SYT9: variants seen among roughly 807,000 people sequenced by gnomAD.
SYT9 encodes the protein synaptotagmin 9, also known as synaptotagmin-9.
A neutral mutation model predicts 48.4 loss-of-function variants in SYT9; 22 were observed. The observed-to-expected ratio is 0.45, with a 90% CI of 0.32 to 0.65. The LOEUF (loss-of-function observed/expected upper bound fraction) is 0.65, where lower values mean the gene tolerates loss of function less well. Ranked by LOEUF, SYT9 falls within the 30% of genes least tolerant of loss-of-function variation. SYT9 has a pLI of 0.03. For synonymous variants in SYT9, 265 were observed against 245.0 expected (o/e 1.08, Z -0.76); for missense variants, 577 against 622.0 (o/e 0.93, Z 0.77).
intron 3 of SYT9, among the ~76,000 whole-genome samples, chr11:7,322,094 G>C (rs556657843): frequency 1.3e-5 from 2 of 152,268 alleles, no homozygotes; most frequent in Non-Finnish European, 2.9e-5. Context: ...TGTGGGGCAG[G>C]GATGGGGGAA....
intron 6 of SYT9, among the ~76,000 whole-genome samples, chr11:7,429,273 G>A (rs1018452268): frequency 6.6e-6 from 1 of 152,190 alleles, no homozygotes; most frequent in African/African-American, 2.4e-5. Context: ...CACTGCATAC[G>A]CTGATTCAGT....
chr11:7,282,874 T>A (rs1848525289), intron 1 of SYT9, among the ~76,000 whole-genome samples: 1 of 151,522 alleles, frequency 6.6e-6, no homozygotes, highest in African/African-American at 2.4e-5. Flanking sequence ...TAATTTTTAA[T>A]AATAATTATC....
intron 3 of SYT9, among the ~76,000 whole-genome samples, chr11:7,370,597 T>G (rs914821551): frequency 5.3e-5 from 8 of 152,196 alleles, no homozygotes; most frequent in Admixed American, 4.6e-4. Context: ...ATATAAATTA[T>G]GTCTCAACAA....
At chr11:7,328,400 C>T (rs1849472984) in intron 3 of SYT9, among the ~76,000 whole-genome samples, 1 of 152,044 alleles carries the variant, frequency 6.6e-6, no homozygotes, top group African/African-American at 2.4e-5. Context: ...CTTCTACCAA[C>T]TTATAAGATA....
At chr11:7,254,291 TG>T (rs1847926107) in intron 1 of SYT9, among the ~76,000 whole-genome samples, 1 of 152,150 alleles carries the variant, frequency 6.6e-6, no homozygotes, top group South Asian at 2.1e-4. Context: ...TGGTTTTTGT[TG>T]GAAAGTAGCC....
intron 1 of SYT9, among the ~76,000 whole-genome samples, chr11:7,284,601 A>AATC: frequency 6.6e-6 from 1 of 150,634 alleles, no homozygotes; most frequent in East Asian, 1.9e-4. Context: ...CTGCTTCTAG[A>AATC]TCTCTTTATA....
chr11:7,328,962 C>G (rs1849483380), intron 3 of SYT9, among the ~76,000 whole-genome samples: 1 of 152,174 alleles, frequency 6.6e-6, no homozygotes, highest in Non-Finnish European at 1.5e-5. Flanking sequence ...GTGTAACACT[C>G]TTTTCTCTGT....
chr11:7,416,619 A>T (rs1847256463), intron 4 of SYT9, among the ~76,000 whole-genome samples: 1 of 152,276 alleles, frequency 6.6e-6, no homozygotes, highest in South Asian at 2.1e-4. Context: ...CACAGCATTT[A>T]TGCCTGATTA....
At chr11:7,352,639 A>G (rs1181405137) in intron 3 of SYT9, among the ~76,000 whole-genome samples, 1 of 152,242 alleles carries the variant, frequency 6.6e-6, no homozygotes, top group African/African-American at 2.4e-5. Flanking sequence ...ATTTATGCCT[A>G]GCCCCGTGAA....
chr11:7,384,088 A>G (rs898826388), intron 3 of SYT9, among the ~76,000 whole-genome samples: 18 of 129,494 alleles, frequency 1.4e-4, no homozygotes, highest in Non-Finnish European at 2.8e-4. Context: ...ACACACACAC[A>G]CACACCCTCA....
intron 3 of SYT9, among the ~76,000 whole-genome samples, chr11:7,328,453 A>G (rs1048051461): frequency 6.6e-6 from 1 of 152,194 alleles, no homozygotes; most frequent in African/African-American, 2.4e-5. Context: ...TAGAAATTAC[A>G]ATATGCGTTG....
chr11:7,466,820 T>C lies in SYT9; in HGVS notation c.*20T>C, dbSNP rs201342081. The C allele has an allele frequency of 5.1e-5, 83 of 1,612,418 alleles. No individual in the cohort carries two copies. The African/African-American group carries it at 1.0e-3, about 20-fold the overall frequency. On this transcript the variant is annotated 3_prime_UTR_variant, in exon 7 of 7. Transcript: ENST00000318881. ...CGATGACCATGGGTAAGAGGACTGC[T>C]TGTGCCAAGGACAAAATAGGACAAC...
chr11:7,433,188 TA>T (rs1419057832), intron 6 of SYT9, among the ~76,000 whole-genome samples: 5 of 152,126 alleles, frequency 3.3e-5, no homozygotes, highest in African/African-American at 1.2e-4. Flanking sequence ...CTGCCATAAG[TA>T]AAAGCTTCCT....
intron 3 of SYT9, among the ~76,000 whole-genome samples, chr11:7,336,028 A>T (rs1194909290): frequency 6.6e-6 from 1 of 152,156 alleles, no homozygotes; most frequent in African/African-American, 2.4e-5. Context: ...TTTTAGTAGT[A>T]GCCATTCTGA....
At chr11:7,356,803 A>C (rs1850030131) in intron 3 of SYT9, among the ~76,000 whole-genome samples, 1 of 152,184 alleles carries the variant, frequency 6.6e-6, no homozygotes, top group African/African-American at 2.4e-5. Flanking sequence ...TGTAACATTA[A>C]ACATGCAAAT....
chr11:7,312,876 G>A (rs1849165973), intron 2 of SYT9, among the ~76,000 whole-genome samples: 1 of 152,190 alleles, frequency 6.6e-6, no homozygotes, highest in African/African-American at 2.4e-5. Context: ...AGCAAAAGCT[G>A]TGTTCTTGTG....
chr11:7,247,563 A>ATATATG (rs1847806642), upstream of SYT9, among the ~76,000 whole-genome samples: 2 of 146,774 alleles, frequency 1.4e-5, no homozygotes, highest in Admixed American at 1.4e-4. Context: ...GTATATACAC[A>ATATATG]TATATACACA....
intron 6 of SYT9, among the ~76,000 whole-genome samples, chr11:7,431,357 A>G (rs1302828252): frequency 1.3e-5 from 2 of 152,266 alleles, no homozygotes; most frequent in Non-Finnish European, 2.9e-5. Context: ...TGCTTCTGAC[A>G]GCCTAAGAAA....
At chr11:7,393,908 C>T (rs530509145) in intron 3 of SYT9, among the ~76,000 whole-genome samples, 6 of 149,478 alleles carry the variant, frequency 4.0e-5, no homozygotes, top group Middle Eastern at 3.5e-3. Flanking sequence ...CTCTGATGAT[C>T]TTTTGTATTC....
Sources: allele counts gnomAD v4.1 joint callset (sites outside exome capture counted in the v4.1 genomes callset), GRCh38; gene constraint gnomAD v4.1.1; transcripts MANE v1.5; gene names NCBI Gene and HGNC (gene_info 2026-07-23, HGNC 2026-07-21).